Variants in C6orf132 observed in about 807,000 individuals in gnomAD.
The protein encoded by C6orf132 is chromosome 6 open reading frame 132.
A neutral mutation model predicts 65.3 loss-of-function variants in C6orf132; 43 were observed. The ratio of observed to expected loss-of-function variants is 0.66; its 90% CI spans 0.52 to 0.85. C6orf132 has a LOEUF of 0.85. Among genes scored for constraint, C6orf132 ranks in the 40% least tolerant of loss-of-function variants. C6orf132 has a pLI of 0.00. For missense variants in C6orf132, 1,488 were observed against 1,548.8 expected (o/e 0.96, Z 0.66); for synonymous variants, 631 against 654.1 (o/e 0.96, Z 0.54).
rs540983904 is a variant in C6orf132, at chr6:42,129,092, GT to G, written c.146-315del. 6.8e-3 allele frequency among the ~76,000 whole-genome samples: 1,040 copies of G among 152,328 alleles called. 11 individuals are homozygous for G. The highest frequency in any genetic ancestry group is 0.012 in the Non-Finnish European group (810 of 68,022). Reference sequence around the variant, plus strand: ...TTCTCTCCCACAGCAATGGTCCCTCGTTTTTGGAGCCCAGGAAGCCCGGCTA... The same window carrying G: ...TTCTCTCCCACAGCAATGGTCCCTCGTTTTGGAGCCCAGGAAGCCCGGCTA... On this transcript the variant is annotated intron_variant, in intron 1 of 4. Coordinates refer to ENST00000341865, the MANE Select transcript of C6orf132 (RefSeq NM_001164446.3).
chr6:42,116,697 G>A (rs1766585432), intron 2 of C6orf132, among the ~76,000 whole-genome samples: 1 of 152,104 alleles, frequency 6.6e-6, no homozygotes, highest in Non-Finnish European at 1.5e-5. Flanking sequence ...TCATAAGTTG[G>A]ACCTCTGCAG....
intron 1 of C6orf132, among the ~76,000 whole-genome samples, chr6:42,136,118 T>TA (rs1360981662): frequency 3.0e-5 from 3 of 98,832 alleles, no homozygotes; most frequent in Non-Finnish European, 6.7e-5. Flanking sequence ...ATAATAATAA[T>TA]AAAAATAATA....
intron 1 of C6orf132, among the ~76,000 whole-genome samples, chr6:42,132,865 A>AAAAAAAAG (rs1212018103): frequency 7.0e-4 from 97 of 138,176 alleles, no homozygotes; most frequent in Non-Finnish European, 1.2e-3. Context: ...TCAAAAAAAA[A>AAAAAAAAG]AAAGAAAAGA....
At chr6:42,113,506 C>T (rs866973263) in intron 2 of C6orf132, among the ~76,000 whole-genome samples, 1 of 152,234 alleles carries the variant, frequency 6.6e-6, no homozygotes, top group African/African-American at 2.4e-5. Context: ...CACTGAGACC[C>T]ATTTTCTTCA....
intron 1 of C6orf132, among the ~76,000 whole-genome samples, chr6:42,136,193 G>C (rs908646442): frequency 1.8e-4 from 27 of 150,788 alleles, no homozygotes; most frequent in African/African-American, 6.6e-4. Context: ...GGTAAGGCCT[G>C]GAGGGGAGGA....
At chr6:42,115,046 A>C (rs946720388) in intron 2 of C6orf132, among the ~76,000 whole-genome samples, 1 of 149,274 alleles carries the variant, frequency 6.7e-6, no homozygotes, top group African/African-American at 2.5e-5. Flanking sequence ...CACACCTGTA[A>C]TCCCAGAACT....
At chr6:42,123,282 C>A (rs998374515) in intron 2 of C6orf132, among the ~76,000 whole-genome samples, 4 of 151,908 alleles carry the variant, frequency 2.6e-5, no homozygotes, top group Admixed American at 1.3e-4. Context: ...ACTCGGGAGG[C>A]TGAGGCAGGA....
At chr6:42,134,298 C>T (rs1203871032) in intron 1 of C6orf132, among the ~76,000 whole-genome samples, 2 of 152,188 alleles carry the variant, frequency 1.3e-5, no homozygotes, top group Non-Finnish European at 2.9e-5. Context: ...GAACAGTGGT[C>T]CCTGCTGGGC....
chr6:42,104,358 G>A lies in C6orf132; in HGVS notation c.3449+105C>T. The A allele has an allele frequency of 2.5e-6, 3 of 1,222,954 alleles. No homozygotes were observed. Among genetic ancestry groups the A allele is most frequent in the East Asian group, 3.2e-5 (1 of 31,138 alleles). 75.8% of individuals were successfully genotyped at this position (1,222,954 alleles called of 1,614,324 possible). On this transcript the variant is annotated intron_variant, in intron 4 of 4. Transcript: ENST00000341865. The surrounding 1 kb of genome is among the most constrained non-coding windows in gnomAD (Gnocchi z 4.1). ...CCGCGTTCTACCTGCAAGGCCGAAGGGAGAAAACCAAATGTTTTCTCTTGA... is the reference window on the plus strand; with the variant it reads ...CCGCGTTCTACCTGCAAGGCCGAAGAGAGAAAACCAAATGTTTTCTCTTGA...
chr6:42,104,816 CG>C lies in C6orf132; in HGVS notation c.3095del (p.Pro1032ArgfsTer31). ...QLPNAGPGAPPALGFSRFPAG... is the reference protein window; with the variant it reads ...QLPNAGPGAPXALGFSRFPAG... ...CGGGAAAGCGCGAGAAGCCGAGAGC[CG>C]GGGGCGCCCCGGGGCCAGCGTTCGG... is the stretch of plus-strand genomic sequence containing the variant. On this transcript the variant is annotated frameshift_variant, in exon 4 of 5. Transcript: ENST00000341865. LOFTEE classifies it high-confidence loss of function. This position sits in a 1 kb window ranked among gnomAD's most constrained non-coding sequence, Gnocchi z 4.1. 1 of 1,470,194 alleles carries C rather than the reference CG, an allele frequency of 6.8e-7. No individual in the cohort carries two copies. Among genetic ancestry groups the C allele is most frequent in the Non-Finnish European group, 8.9e-7 (1 of 1,117,356 alleles). 91.1% of individuals were successfully genotyped at this position (1,470,194 alleles called of 1,614,324 possible). A position where few individuals can be genotyped will look rare whatever the true frequency, so the allele number is the denominator to read the frequency against.
At chr6:42,103,903 G>C (rs1019313297) in intron 4 of C6orf132, 25 bp from the exon 5 acceptor site, 22 of 1,356,220 alleles carry the variant, frequency 1.6e-5, no homozygotes, top group Admixed American at 9.7e-5. Flanking sequence ...GAGATGTGAG[G>C]TGAATATCTG....
rs1466348824 is a variant in C6orf132, at chr6:42,107,316, G to A, written c.596C>T (p.Pro199Leu). ...PPPPVLEALS[P>L]PHTLSSPSIP... ...GGATGGGGAGGAAAGAGTGTGTGGT[G>A]GGGATAGGGCCTCCAATACTGGGGG... is the stretch of plus-strand genomic sequence containing the variant. Residue 199 changes from proline (P) to leucine (L), a missense_variant, in exon 4 of 5, where the codon CCA becomes CTA. Physicochemically the swap from Pro to Leu is moderately conservative, Grantham distance 98. Transcript: ENST00000341865. 2 of 1,358,346 alleles carry A rather than the reference G, an allele frequency of 1.5e-6. No homozygotes were observed. The highest frequency in any genetic ancestry group is 5.8e-5 in the Admixed American group (2 of 34,220). The allele number at this position is 1,358,346 out of a possible 1,614,324, so 84.1% of individuals were successfully genotyped here. A position where few individuals can be genotyped will look rare whatever the true frequency, so the allele number is the denominator to read the frequency against.
rs899070510 is a variant in C6orf132, at chr6:42,117,861, T to C, written c.253-7570A>G. Among the ~76,000 whole-genome samples the C allele has an allele frequency of 2.2e-5, 3 of 135,490 alleles. No homozygotes were observed. In the Admixed American group the frequency reaches 2.5e-4, roughly 11 times the overall value. 88.9% of individuals were successfully genotyped at this position (135,490 alleles called of 152,430 possible). On this transcript the variant is annotated intron_variant, in intron 2 of 4. Transcript: ENST00000341865. ...ATCACTTGAACCCAGGAGGTGGAGA[T>C]TGCAGTGAGCCAAGATTGTGCCACT...
At chr6:42,118,868 A>AT (rs546407195) in intron 2 of C6orf132, among the ~76,000 whole-genome samples, 27,366 of 113,102 alleles carry the variant, frequency 0.24, 3,647 homozygotes, top group Non-Finnish European at 0.27. Context: ...CAGCCCTTTA[A>AT]TTTTTTTTTT....
chr6:42,108,673 A>G (rs2127474115), intron 3 of C6orf132, among the ~76,000 whole-genome samples: 1 of 152,326 alleles, frequency 6.6e-6, no homozygotes, highest in South Asian at 2.1e-4. Flanking sequence ...GGTGGCCTGG[A>G]CAATCTGGGT....
At chr6:42,126,132 A>G (rs1210948802) in intron 2 of C6orf132, among the ~76,000 whole-genome samples, 1 of 151,892 alleles carries the variant, frequency 6.6e-6, no homozygotes. Flanking sequence ...TCCAGGCTGG[A>G]GTGCAGTGGT....
At position 42,101,795 on chromosome 6, in the gene C6orf132, GC is replaced by G. The variant is rs34066163; in HGVS notation, c.*1965del. The G allele has an allele frequency of 0.13, 19,786 of 152,186 alleles. 1,410 individuals are homozygous for G. Among genetic ancestry groups the G allele is most frequent in the Middle Eastern group, 0.19 (54 of 290 alleles). 9.4% of individuals were successfully genotyped at this position (152,186 alleles called of 1,614,324 possible). A position where few individuals can be genotyped will look rare whatever the true frequency, so the allele number is the denominator to read the frequency against. On this transcript the variant is annotated 3_prime_UTR_variant, in exon 5 of 5. Coordinates refer to ENST00000341865, the MANE Select transcript of C6orf132 (RefSeq NM_001164446.3). ...AGACCCTACCCCATCAGGGTGGCTGGCCTTGGTAATCTGGGCATCCACCCAC... is the reference window on the plus strand; with the variant it reads ...AGACCCTACCCCATCAGGGTGGCTGGCTTGGTAATCTGGGCATCCACCCAC...
At chr6:42,123,389 A>C (rs113244853) in intron 2 of C6orf132, among the ~76,000 whole-genome samples, 13,111 of 151,458 alleles carry the variant, frequency 0.087, 654 homozygotes, top group Middle Eastern at 0.11. Context: ...TCTCAAAAAA[A>C]AAAACAAAAC....
chr6:42,107,693 A>C (rs577387911), intron 3 of C6orf132, 110 bp from the exon 4 acceptor site: 1 of 1,305,560 alleles, frequency 7.7e-7, no homozygotes, highest in African/African-American at 1.5e-5. Flanking sequence ...GAATGACTGG[A>C]TCATTTTCTC....
Sources: allele counts gnomAD v4.1 joint callset (sites outside exome capture counted in the v4.1 genomes callset), GRCh38; gene constraint gnomAD v4.1.1; non-coding constraint Gnocchi (gnomAD v3.1); transcripts MANE v1.5; gene names NCBI Gene and HGNC (gene_info 2026-07-23, HGNC 2026-07-21).